Variants in BTG4 observed in about 807,000 individuals in gnomAD.
BTG4 encodes the protein BTG anti-proliferation factor 4, also known as protein BTG4.
BTG4 carries 10 observed loss-of-function variants against 19.3 expected under a neutral mutation model. The observed-to-expected ratio is 0.52, with a 90% CI of 0.32 to 0.88. The LOEUF (loss-of-function observed/expected upper bound fraction) is 0.88, where lower values mean the gene tolerates loss of function less well. BTG4 is among the 40% of genes least tolerant of loss of function. The pLI is 0.04. For missense variants in BTG4, 238 were observed against 281.9 expected, an observed-to-expected ratio of 0.84 and a Z score of 1.11; for synonymous variants, 91 against 95.7, an observed-to-expected ratio of 0.95 and a Z score of 0.29.
the BTG4 span, chr11:111,415,947 G>C: frequency 6.6e-6 from 1 of 152,352 alleles, no homozygotes; most frequent in South Asian, 2.1e-4. Context: ...GGGAGGCTGA[G>C]GCAGGAGGAT....
intron 3 of BTG4, 120 bp from the exon 4 acceptor site, chr11:111,497,529 G>A (rs959617583): frequency 3.4e-6 from 2 of 585,140 alleles, no homozygotes; most frequent in Admixed American, 3.9e-5. Context: ...AAAATTGAAG[G>A]ACATTATGAC....
At chr11:111,467,378 T>C (rs1409737253), downstream of BTG4, 1 of 315,544 alleles carries the variant, frequency 3.2e-6, no homozygotes, top group Admixed American at 5.0e-5. Flanking sequence ...AGCATAAATA[T>C]TAAATATGCA....
At chr11:111,510,572 T>C (rs926167760) in intron 1 of BTG4, among the ~76,000 whole-genome samples, 1 of 152,102 alleles carries the variant, frequency 6.6e-6, no homozygotes, top group Non-Finnish European at 1.5e-5. Context: ...ATAAAGGGAA[T>C]GAGATCCTTG....
intron 5 of BTG4, among the ~76,000 whole-genome samples, chr11:111,475,954 T>A (rs986409786): frequency 3.3e-5 from 5 of 152,016 alleles, no homozygotes; most frequent in African/African-American, 1.2e-4. Context: ...CATCAGATCT[T>A]GTGAGACTTA....
At chr11:111,413,036 G>A in the BTG4 span, among the ~76,000 whole-genome samples, 3 of 152,180 alleles carry the variant, frequency 2.0e-5, no homozygotes, top group Non-Finnish European at 4.4e-5. Flanking sequence ...AGGCAGAGTC[G>A]GAGAGAAGTG....
the BTG4 span, among the ~76,000 whole-genome samples, chr11:111,440,935 A>G: frequency 6.6e-6 from 1 of 152,162 alleles, no homozygotes; most frequent in African/African-American, 2.4e-5. Flanking sequence ...CCACTTAGGT[A>G]CTGAGTCACA....
intron 5 of BTG4, chr11:111,467,828 G>A (rs1863811998): frequency 1.9e-6 from 1 of 525,870 alleles, no homozygotes; most frequent in Non-Finnish European, 3.3e-6. Flanking sequence ...TCTCTAATCA[G>A]TAAAATGAAT....
chr11:111,421,089 G>A, the BTG4 span, among the ~76,000 whole-genome samples: 7 of 152,190 alleles, frequency 4.6e-5, no homozygotes, highest in Non-Finnish European at 8.8e-5. Context: ...TGGAGAGAGC[G>A]TGACAGAATC....
chr11:111,436,190 C>T, the BTG4 span, among the ~76,000 whole-genome samples: 1 of 152,176 alleles, frequency 6.6e-6, no homozygotes, highest in African/African-American at 2.4e-5. Context: ...ATCCGTCTTA[C>T]TCTTCATTTC....
chr11:111,458,325 G>A, the BTG4 span: 6 of 152,516 alleles, frequency 3.9e-5, no homozygotes, highest in South Asian at 4.2e-4. Flanking sequence ...TCAGGGACAG[G>A]GCTGCAGCCC....
chr11:111,445,417 G>A, the BTG4 span, among the ~76,000 whole-genome samples: 1 of 152,136 alleles, frequency 6.6e-6, no homozygotes. Flanking sequence ...GATCCTCTGA[G>A]CCTTTTCAGC....
chr11:111,453,176 C>A, the BTG4 span, among the ~76,000 whole-genome samples: 1 of 152,108 alleles, frequency 6.6e-6, no homozygotes, highest in Non-Finnish European at 1.5e-5. Flanking sequence ...GAACTTTCAG[C>A]AAGTGAGAAA....
intron 5 of BTG4, among the ~76,000 whole-genome samples, chr11:111,474,207 T>C (rs1864260106): frequency 6.6e-6 from 1 of 152,136 alleles, no homozygotes; most frequent in African/African-American, 2.4e-5. Flanking sequence ...TTTATTAAAA[T>C]AACAGCTTTA....
chr11:111,410,406 G>C, the BTG4 span, among the ~76,000 whole-genome samples: 3 of 152,140 alleles, frequency 2.0e-5, no homozygotes, highest in Non-Finnish European at 4.4e-5. Flanking sequence ...GAGCCCTCTA[G>C]CCTAGGAATG....
chr11:111,400,857 A>G, the BTG4 span: 2 of 152,178 alleles, frequency 1.3e-5, no homozygotes, highest in African/African-American at 2.4e-5. Context: ...GTCTTTCTAA[A>G]AACCCATAGC....
the BTG4 span, among the ~76,000 whole-genome samples, chr11:111,391,289 TC>T: frequency 6.6e-6 from 1 of 152,186 alleles, no homozygotes; most frequent in Non-Finnish European, 1.5e-5. Flanking sequence ...CTCATACTGT[TC>T]AGAGTCTTGA....
intron 5 of BTG4, among the ~76,000 whole-genome samples, chr11:111,476,135 TACACACAC>T (rs55989357): frequency 1.3e-5 from 2 of 148,742 alleles, no homozygotes; most frequent in Non-Finnish European, 3.0e-5. Flanking sequence ...CCAGAATAGA[TACACACAC>T]ACACACACAC....
At chr11:111,433,142 G>A in the BTG4 span, among the ~76,000 whole-genome samples, 3 of 152,166 alleles carry the variant, frequency 2.0e-5, no homozygotes, top group Admixed American at 1.3e-4. Flanking sequence ...TGTTTGCAAT[G>A]GGCGCAATAT....
the BTG4 span, among the ~76,000 whole-genome samples, chr11:111,461,536 C>A: frequency 1.1e-3 from 161 of 152,308 alleles, 1 homozygote; most frequent in African/African-American, 3.7e-3. Context: ...GCCTGGCCAA[C>A]ACGGTGAAAC....
Sources: gnomAD v4.1 joint callset for allele counts (sites outside exome capture counted in the v4.1 genomes callset) on GRCh38, gnomAD v4.1.1 for gene constraint, MANE v1.5 for transcripts, NCBI Gene and HGNC (gene_info 2026-07-23, HGNC 2026-07-21) for gene names.